B9D1: variants seen among roughly 807,000 people sequenced by gnomAD.
B9D1 encodes B9 domain-containing protein 1.
Under a neutral mutation model 26.1 loss-of-function variants are expected in B9D1, and 20 were observed. That is an observed-to-expected ratio of 0.77 (90% CI 0.54 to 1.12). The LOEUF is 1.12. Among genes scored for constraint, B9D1 ranks in the 50% most tolerant of loss-of-function variants. B9D1 has a pLI of 0.00. For missense variants in B9D1, 260 were observed against 273.7 expected (o/e 0.95, Z 0.35); for synonymous variants, 105 against 103.1 (o/e 1.02, Z -0.11).
intron 3 of B9D1, among the ~76,000 whole-genome samples, chr17:19,352,476 T>C (rs7503537): frequency 1.3e-5 from 2 of 149,542 alleles, no homozygotes; most frequent in African/African-American, 4.9e-5. Flanking sequence ...AGCCTCCCCA[T>C]TAGCTGGGAT....
intron 1 of B9D1, among the ~76,000 whole-genome samples, chr17:19,374,382 A>C (rs1912016401): frequency 6.6e-6 from 1 of 152,222 alleles, no homozygotes; most frequent in Non-Finnish European, 1.5e-5. Context: ...CCCATTTTTG[A>C]CAGGCAAATA....
rs117085501 is a variant in B9D1 at position 19,359,532 on chromosome 17, C to T, written c.132+788G>A. On this transcript the variant is annotated intron_variant, in intron 2 of 6. Coordinates refer to ENST00000261499, the MANE Select transcript of B9D1 (RefSeq NM_015681.6). The surrounding 1 kb of genome is among the most constrained non-coding windows in gnomAD (Gnocchi z 5.0). ...CCCTCCCTGGCAGCCTTAGCGAGATCGCAGCCTCCTTCTCATCACTCATCC... is the reference window on the plus strand; with the variant it reads ...CCCTCCCTGGCAGCCTTAGCGAGATTGCAGCCTCCTTCTCATCACTCATCC... Among the ~76,000 whole-genome samples, 266 of 152,298 alleles carry T rather than the reference C, an allele frequency of 1.7e-3. No homozygotes were observed. The highest frequency in any genetic ancestry group is 2.9e-3 in the Admixed American group (45 of 15,300).
At chr17:19,337,235 C>T (rs115667701), downstream of B9D1, among the ~76,000 whole-genome samples, 4,914 of 83,472 alleles carry the variant, frequency 0.059, 266 homozygotes, top group African/African-American at 0.21. Context: ...TCTTAGGTGG[C>T]TTGCTGTGCA....
intron 5 of B9D1, chr17:19,344,555 G>A (rs1211353939): frequency 8.1e-6 from 2 of 247,958 alleles, no homozygotes; most frequent in African/African-American, 2.4e-5. Context: ...CACTATTCCC[G>A]GCCGGGTGGG....
At chr17:19,343,761 TG>T (rs762458589) in intron 6 of B9D1, 28 bp downstream of exon 6, 3 of 1,612,896 alleles carry the variant, frequency 1.9e-6, no homozygotes, top group African/African-American at 2.7e-5. Flanking sequence ...GTATGGGGGA[TG>T]GGGGTAAGAG....
At chr17:19,341,600 G>A (rs999705186), downstream of B9D1, among the ~76,000 whole-genome samples, 1 of 152,240 alleles carries the variant, frequency 6.6e-6, no homozygotes, top group African/African-American at 2.4e-5. Context: ...GGCAGGGAGG[G>A]TGCTGGAGGC....
chr17:19,369,414 T>C (rs535535876), intron 1 of B9D1, among the ~76,000 whole-genome samples: 203 of 152,276 alleles, frequency 1.3e-3, no homozygotes, highest in South Asian at 6.2e-4. Context: ...ACTAAGGAAA[T>C]TGGCCAATGC....
intron 5 of B9D1, chr17:19,344,544 G>A (rs1908474056): frequency 3.9e-6 from 1 of 257,462 alleles, no homozygotes. Context: ...ACAACCAGGA[G>A]CACTATTCCC....
chr17:19,371,110 C>G (rs1459885627), intron 1 of B9D1: 1 of 152,408 alleles, frequency 6.6e-6, no homozygotes, highest in Non-Finnish European at 1.5e-5. Flanking sequence ...GCAGGTGGCC[C>G]TGGCCACTGT....
chr17:19,335,271 C>T (rs769556016), downstream of B9D1: 65 of 830,366 alleles, frequency 7.8e-5, no homozygotes, highest in Non-Finnish European at 9.3e-5. Context: ...GATTGACTTT[C>T]AGCCTTTTTG....
Position 19,343,810 on chromosome 17 carries a change from G to C in B9D1, c.452C>G (p.Ala151Gly), listed in dbSNP as rs771966098. Residue 151 changes from alanine to glycine, a missense_variant, in exon 6 of 7, where the codon GCT (alanine) becomes GGT (glycine). By Grantham distance (60) the Ala-to-Gly change is moderately conservative. Coordinates refer to ENST00000261499, the MANE Select transcript of B9D1 (RefSeq NM_015681.6). The part of the protein sequence containing the change: ...RPEYTDPKVV[A>G]QGEGREVTRV... ...TTTACCTTCCCGGCCTTCACCCTGAGCCACCACCTTGGGGTCTGTGTACTC... is the reference window on the plus strand; with the variant it reads ...TTTACCTTCCCGGCCTTCACCCTGACCCACCACCTTGGGGTCTGTGTACTC... 1 of 1,614,112 alleles carries C rather than the reference G, an allele frequency of 6.2e-7. No homozygotes were observed. The highest frequency in any genetic ancestry group is 1.3e-5 in the African/African-American group (1 of 75,032).
At chr17:19,371,708 A>T (rs1911902538) in intron 1 of B9D1, 1 of 152,218 alleles carries the variant, frequency 6.6e-6, no homozygotes, top group African/African-American at 2.4e-5. Flanking sequence ...GGGACAATCC[A>T]TCCTTCCCAA....
In B9D1 at chr17:19,370,892, AG is replaced by A. The variant is rs1316864874; in HGVS notation, c.-298+6966del. ...ATGCCACACTGAGCTGAGCCAAGGC[AG>A]GGGTCAATTCTGAAGGCCTGGATCC... On this transcript the variant is annotated intron_variant, in intron 1 of 5. Transcript: ENST00000477478. This position sits in a 1 kb window ranked among gnomAD's most constrained non-coding sequence, Gnocchi z 5.1. Among the ~76,000 whole-genome samples, 1 of 152,204 alleles carries A rather than the reference AG, an allele frequency of 6.6e-6. No individual in the cohort carries two copies. The highest frequency in any genetic ancestry group is 1.5e-5 in the Non-Finnish European group (1 of 68,016).
Position 19,377,062 on chromosome 17 carries a change from A to G in B9D1, c.-298+797T>C, listed in dbSNP as rs116136214. Among the ~76,000 whole-genome samples the G allele has an allele frequency of 1.9e-3, 297 of 152,360 alleles. 1 individual carries two copies. Among genetic ancestry groups the G allele is most frequent in the African/African-American group, 6.9e-3 (289 of 41,588 alleles). On this transcript the variant is annotated intron_variant, in intron 1 of 5. Transcript: ENST00000477478. ...CAATAAGCACATCAAATCAATGTCA[A>G]TCTTGCATGTATTGACTTATGTATT... is the stretch of plus-strand genomic sequence containing the variant.
rs930297686 is a variant in B9D1, at chr17:19,347,509, C to T, written c.342-178G>A. Among the ~76,000 whole-genome samples the T allele has an allele frequency of 2.6e-5, 4 of 152,306 alleles. No homozygotes were observed. Among genetic ancestry groups the T allele is most frequent in the Admixed American group, 6.5e-5 (1 of 15,300 alleles). ...CCCTGTGTCTGGGCAAGGTGCTGAGCGCCAGGAGACAGCCTCATGGAGGTC... is the reference window on the plus strand; with the variant it reads ...CCCTGTGTCTGGGCAAGGTGCTGAGTGCCAGGAGACAGCCTCATGGAGGTC... On this transcript the variant is annotated intron_variant, in intron 4 of 6. Transcript: ENST00000261499. This position sits in a 1 kb window ranked among gnomAD's most constrained non-coding sequence, Gnocchi z 4.3.
At chr17:19,338,402 C>T (rs548755620), downstream of B9D1, among the ~76,000 whole-genome samples, 63 of 152,346 alleles carry the variant, frequency 4.1e-4, no homozygotes, top group African/African-American at 1.5e-3. Flanking sequence ...TTTGAGTGAG[C>T]CAGAGGCTTC....
At chr17:19,353,629 G>A (rs1360402584) in intron 3 of B9D1, among the ~76,000 whole-genome samples, 1 of 146,102 alleles carries the variant, frequency 6.8e-6, no homozygotes, top group African/African-American at 2.5e-5. Flanking sequence ...CAACAAAAAC[G>A]AGACTTCATT....
At chr17:19,377,793 G>A in intron 1 of B9D1, 6 of 979,964 alleles carry the variant, frequency 6.1e-6, no homozygotes, top group South Asian at 4.7e-5. Flanking sequence ...CGGCCGCCTC[G>A]GTTAACTCCG....
upstream of B9D1, chr17:19,362,838 T>C (rs1342661993): frequency 1.2e-5 from 11 of 915,248 alleles, no homozygotes; most frequent in African/African-American, 1.7e-5. Flanking sequence ...GGCGGGAGCG[T>C]TGACCTGTCG....
Sources: gnomAD v4.1 joint callset for allele counts (sites outside exome capture counted in the v4.1 genomes callset) on GRCh38, gnomAD v4.1.1 for gene constraint, Gnocchi (gnomAD v3.1) non-coding constraint, MANE v1.5 for transcripts, NCBI Gene and HGNC (gene_info 2026-07-23, HGNC 2026-07-21) for gene names.